The following RPIA variants were observed in gnomAD, a reference collection of about 807,000 sequenced individuals.
The protein encoded by RPIA is ribose-5-phosphate isomerase.
RPIA carries 29 observed loss-of-function variants against 37.8 expected under a neutral mutation model. The ratio of observed to expected loss-of-function variants is 0.77; its 90% confidence interval spans 0.57 to 1.05. RPIA has a LOEUF of 1.05. Ranked by LOEUF, RPIA falls within the 50% of genes least tolerant of loss-of-function variation. RPIA has a pLI of 0.00. For missense variants in RPIA, 385 were observed against 413.6 expected, an observed-to-expected ratio of 0.93 and a Z score of 0.60; for synonymous variants, 167 against 157.0, an observed-to-expected ratio of 1.06 and a Z score of -0.48.
chr2:88,713,120 A>T lies in RPIA; in HGVS notation c.402+13056A>T, dbSNP rs370322190. ...TCTGAATATATATATATATATATAT[A>T]TTTTTTTTTTTTTTTTCAAGCTACG... On this transcript the variant is annotated intron_variant, in intron 3 of 8. Coordinates refer to ENST00000283646, the MANE Select transcript of RPIA (RefSeq NM_144563.3). Among the ~76,000 whole-genome samples the T allele has an allele frequency of 8.7e-3, 569 of 65,226 alleles. 22 individuals carry two copies. Among genetic ancestry groups the T allele is most frequent in the African/African-American group, 0.035 (447 of 12,596 alleles). The allele number at this position is 65,226 out of a possible 152,430, so 42.8% of individuals were successfully genotyped here. A position where few individuals can be genotyped will look rare whatever the true frequency, so the allele number is the denominator to read the frequency against.
At chr2:88,704,086 A>G (rs905841808) in intron 3 of RPIA, among the ~76,000 whole-genome samples, 2 of 152,156 alleles carry the variant, frequency 1.3e-5, no homozygotes, top group Non-Finnish European at 2.9e-5. Context: ...CCATATCGCT[A>G]TCAGCATTTT....
At chr2:88,744,774 T>C (rs1297175226) in intron 8 of RPIA, among the ~76,000 whole-genome samples, 1 of 152,218 alleles carries the variant, frequency 6.6e-6, no homozygotes, top group African/African-American at 2.4e-5. Flanking sequence ...TCTAACTTGT[T>C]GCTTTAAAGT....
At position 88,736,637 on chromosome 2, in the gene RPIA, TG is replaced by T; in HGVS notation, c.704del (p.Gly235AlafsTer16). The part of the protein sequence containing the change: ...PVSRAVSQKF[G>X]GVVELRMAVN... ...TGAGCCGAGCTGTGAGCCAGAAGTT[TG>T]GGGGCGTGGTTGAACTTCGAATGGC... On this transcript the variant is annotated frameshift_variant, in exon 7 of 9. Transcript: ENST00000283646. LOFTEE classifies it high-confidence loss of function. 1 of 1,613,938 alleles carries T rather than the reference TG, an allele frequency of 6.2e-7. No individual in the cohort carries two copies. Among genetic ancestry groups the T allele is most frequent in the South Asian group, 1.1e-5 (1 of 91,076 alleles).
At chr2:88,713,121 T>TATATATATATATA (rs58120689) in intron 3 of RPIA, among the ~76,000 whole-genome samples, 44 of 56,280 alleles carry the variant, frequency 7.8e-4, no homozygotes, top group African/African-American at 3.3e-3. Context: ...TATATATATA[T>TATATATATATATA]TTTTTTTTTT....
At chr2:88,749,881 T>C in intron 8 of RPIA, 100 bp from the exon 9 acceptor site, 1 of 765,586 alleles carries the variant, frequency 1.3e-6, no homozygotes, top group South Asian at 1.4e-5. Context: ...ATTCGTCCAA[T>C]GCTGTGTATG....
intron 3 of RPIA, among the ~76,000 whole-genome samples, chr2:88,723,361 G>T (rs973885582): frequency 6.6e-6 from 1 of 152,186 alleles, no homozygotes; most frequent in Non-Finnish European, 1.5e-5. Flanking sequence ...CCTGCTGGGA[G>T]TGAGCTCAAA....
chr2:88,723,685 A>C (rs1384668271), intron 3 of RPIA, among the ~76,000 whole-genome samples: 3 of 152,098 alleles, frequency 2.0e-5, no homozygotes, highest in Non-Finnish European at 4.4e-5. Context: ...AACCCTGAAA[A>C]TCTGAGACAG....
intron 8 of RPIA, among the ~76,000 whole-genome samples, chr2:88,747,453 C>T (rs112952188): frequency 0.015 from 2,243 of 152,260 alleles, 28 homozygotes; most frequent in South Asian, 0.039. Context: ...CCATTTGTCC[C>T]CCACCGGATT....
chr2:88,704,367 A>T (rs138059245), intron 3 of RPIA, among the ~76,000 whole-genome samples: 2,319 of 152,348 alleles, frequency 0.015, 35 homozygotes, highest in Middle Eastern at 0.031. Context: ...GAAGCCTCAC[A>T]ATCATGGCGG....
intron 4 of RPIA, among the ~76,000 whole-genome samples, chr2:88,734,088 GT>G (rs11389436): frequency 7.4e-4 from 105 of 142,748 alleles, no homozygotes; most frequent in Admixed American, 1.7e-3. Flanking sequence ...TTCTGAATCA[GT>G]TTTTTTTTTT....
chr2:88,724,095 G>A (rs2104116219), intron 3 of RPIA, among the ~76,000 whole-genome samples: 1 of 152,168 alleles, frequency 6.6e-6, no homozygotes, highest in African/African-American at 2.4e-5. Context: ...GATTGATTTT[G>A]GGGCCTCAAG....
intron 3 of RPIA, among the ~76,000 whole-genome samples, chr2:88,714,378 G>A (rs527489522): frequency 7.9e-5 from 12 of 152,058 alleles, no homozygotes; most frequent in Admixed American, 2.0e-4. Flanking sequence ...CACCATGTTG[G>A]CCAGGCTGGT....
intron 3 of RPIA, 93 bp from the exon 4 acceptor site, chr2:88,729,185 A>G: frequency 1.5e-6 from 2 of 1,334,230 alleles, no homozygotes; most frequent in Non-Finnish European, 2.1e-6. Context: ...GAGCCTGGGT[A>G]GGACTTGGGA....
chr2:88,721,388 A>C (rs948874417), intron 3 of RPIA, among the ~76,000 whole-genome samples: 1 of 149,852 alleles, frequency 6.7e-6, no homozygotes, highest in Non-Finnish European at 1.5e-5. Context: ...AATAAATTTA[A>C]TAATTATACT....
At chr2:88,719,010 A>G (rs1673070492) in intron 3 of RPIA, among the ~76,000 whole-genome samples, 1 of 152,172 alleles carries the variant, frequency 6.6e-6, no homozygotes, top group African/African-American at 2.4e-5. Flanking sequence ...TCTGCTTGAT[A>G]TTCATGAATA....
chr2:88,719,550 T>C (rs1222372841), intron 3 of RPIA, among the ~76,000 whole-genome samples: 1 of 152,122 alleles, frequency 6.6e-6, no homozygotes, highest in Non-Finnish European at 1.5e-5. Flanking sequence ...ATCAAAGGTT[T>C]AAAACACTTG....
At chr2:88,723,287 G>T (rs1673156685) in intron 3 of RPIA, among the ~76,000 whole-genome samples, 1 of 152,140 alleles carries the variant, frequency 6.6e-6, no homozygotes, top group Non-Finnish European at 1.5e-5. Context: ...TCAGGCTAAA[G>T]ACTGCTTTCT....
intron 1 of RPIA, 144 bp downstream of exon 1, chr2:88,692,127 G>A (rs2104061244): frequency 9.9e-7 from 1 of 1,009,078 alleles, no homozygotes; most frequent in Non-Finnish European, 1.4e-6. Context: ...CACTTTACCC[G>A]AGTTTAGACC....
chr2:88,702,780 C>T (rs1265593538), intron 3 of RPIA, among the ~76,000 whole-genome samples: 1 of 152,164 alleles, frequency 6.6e-6, no homozygotes, highest in Non-Finnish European at 1.5e-5. Context: ...CCCAATAGTC[C>T]CCAAAGTCTT....
Sources: allele counts gnomAD v4.1 joint callset (sites outside exome capture counted in the v4.1 genomes callset), GRCh38; gene constraint gnomAD v4.1.1; transcripts MANE v1.5; gene names NCBI Gene and HGNC (gene_info 2026-07-23, HGNC 2026-07-21).